Variants in KCNJ6 observed in about 807,000 individuals in gnomAD.
KCNJ6 encodes G protein-activated inward rectifier potassium channel 2.
Under a neutral mutation model 34.2 loss-of-function variants are expected in KCNJ6, and 9 were observed. The observed-to-expected ratio is 0.26, with a 90% CI of 0.16 to 0.46. The LOEUF is 0.46. Among genes scored for constraint, KCNJ6 ranks in the 20% least tolerant of loss-of-function variants. The pLI is 1.00. For missense variants in KCNJ6, 236 were observed against 531.3 expected, an observed-to-expected ratio of 0.44 and a Z score of 5.46; for synonymous variants, 196 against 207.1, an observed-to-expected ratio of 0.95 and a Z score of 0.46.
intron 3 of KCNJ6, among the ~76,000 whole-genome samples, chr21:37,652,979 A>G (rs768821529): frequency 1.1e-4 from 17 of 152,214 alleles, no homozygotes; most frequent in Non-Finnish European, 2.9e-5. Flanking sequence ...CACATTGAAC[A>G]GAAAAATTAC....
At chr21:37,674,007 T>C (rs1032474495) in intron 3 of KCNJ6, among the ~76,000 whole-genome samples, 18 of 152,204 alleles carry the variant, frequency 1.2e-4, no homozygotes, top group African/African-American at 4.3e-4. Flanking sequence ...GATGACAGCA[T>C]ATCCCAACCA....
Position 37,686,758 on chromosome 21 carries a change from C to T in KCNJ6, c.946+27453G>A, listed in dbSNP as rs190298889. On this transcript the variant is annotated intron_variant, in intron 3 of 3. Transcript: ENST00000609713. ...CTGGGATTACAGGCGTGAGCCACCG[C>T]GCCCAGCCTCTGTGTGAAGTCTTAA... Among the ~76,000 whole-genome samples the T allele has an allele frequency of 4.4e-3, 671 of 152,188 alleles. 3 individuals are homozygous for T. Among genetic ancestry groups the T allele is most frequent in the Non-Finnish European group, 7.4e-3 (505 of 68,012 alleles).
chr21:37,840,816 G>T lies in KCNJ6; in HGVS notation c.-27-107C>A, dbSNP rs1327691386. 1.3e-5 allele frequency: 8 copies of T among 619,930 alleles called. No individual in the cohort carries two copies. The African/African-American group carries it at 1.3e-4, about 10-fold the overall frequency. The allele number at this position is 619,930 out of a possible 1,614,324, so 38.4% of individuals were successfully genotyped here. A position where few individuals can be genotyped will look rare whatever the true frequency, so the allele number is the denominator to read the frequency against. ...TCTCTTCCTTCTTTTTCCTAGGTCA[G>T]AATTTGGTTTCCAATAATTAAATGA... On this transcript the variant is annotated intron_variant, in intron 1 of 3. Coordinates refer to ENST00000609713, the MANE Select transcript of KCNJ6 (RefSeq NM_002240.5).
At chr21:37,672,418 T>C (rs1208368282) in intron 3 of KCNJ6, among the ~76,000 whole-genome samples, 1 of 151,900 alleles carries the variant, frequency 6.6e-6, no homozygotes, top group Non-Finnish European at 1.5e-5. Context: ...GCAGGAGACC[T>C]GGAGAAAAGG....
intron 3 of KCNJ6, among the ~76,000 whole-genome samples, chr21:37,653,132 G>A (rs1444935631): frequency 1.3e-5 from 2 of 152,064 alleles, no homozygotes; most frequent in African/African-American, 4.8e-5. Context: ...CTACTTCTAG[G>A]GCTGACATTT....
intron 1 of KCNJ6, among the ~76,000 whole-genome samples, chr21:37,854,237 G>C (rs2055553217): frequency 6.6e-6 from 1 of 151,118 alleles, no homozygotes; most frequent in South Asian, 2.1e-4. Flanking sequence ...TAAAAAGATG[G>C]AAAAAGATGT....
intron 2 of KCNJ6, among the ~76,000 whole-genome samples, chr21:37,743,393 T>G (rs941756209): frequency 1.3e-5 from 2 of 152,178 alleles, no homozygotes; most frequent in Non-Finnish European, 2.9e-5. Context: ...AGCTTGCTGT[T>G]TGGGTACCTG....
At chr21:37,913,902 C>G (rs973320170) in intron 1 of KCNJ6, among the ~76,000 whole-genome samples, 1 of 152,002 alleles carries the variant, frequency 6.6e-6, no homozygotes, top group Non-Finnish European at 1.5e-5. Flanking sequence ...GCCATCTATG[C>G]CCAACAAAAA....
chr21:37,634,535 G>A (rs1287416545), intron 3 of KCNJ6, among the ~76,000 whole-genome samples: 1 of 151,984 alleles, frequency 6.6e-6, no homozygotes, highest in East Asian at 1.9e-4. Flanking sequence ...TTAACAAATT[G>A]GAAACAACCC....
intron 3 of KCNJ6, among the ~76,000 whole-genome samples, chr21:37,665,610 A>G (rs142233862): frequency 1.4e-4 from 22 of 152,206 alleles, no homozygotes; most frequent in Admixed American, 2.6e-4. Flanking sequence ...GGACAGCTCA[A>G]TGCAGGTGTG....
At chr21:37,719,009 C>T (rs922755530) in intron 2 of KCNJ6, among the ~76,000 whole-genome samples, 1 of 152,026 alleles carries the variant, frequency 6.6e-6, no homozygotes, top group African/African-American at 2.4e-5. Context: ...TGCATCATGG[C>T]AGCTGGTGGG....
intron 2 of KCNJ6, among the ~76,000 whole-genome samples, chr21:37,799,341 C>T (rs1330044464): frequency 6.6e-6 from 1 of 152,168 alleles, no homozygotes; most frequent in Non-Finnish European, 1.5e-5. Context: ...GTAGGCTCAG[C>T]CTCCAGCAGC....
chr21:37,866,091 T>C (rs781114137), intron 1 of KCNJ6, among the ~76,000 whole-genome samples: 16 of 152,214 alleles, frequency 1.1e-4, no homozygotes, highest in Non-Finnish European at 2.2e-4. Context: ...TCGCAGATAA[T>C]CTGAGTGGGC....
chr21:37,646,553 T>C (rs1004911466), intron 3 of KCNJ6, among the ~76,000 whole-genome samples: 5 of 152,154 alleles, frequency 3.3e-5, no homozygotes, highest in Non-Finnish European at 7.4e-5. Flanking sequence ...CTAGGGAGGG[T>C]TGGCATGTTC....
intron 1 of KCNJ6, among the ~76,000 whole-genome samples, chr21:37,909,000 A>G (rs2055854888): frequency 6.6e-6 from 1 of 152,226 alleles, no homozygotes; most frequent in African/African-American, 2.4e-5. Flanking sequence ...GAATATGAAT[A>G]GGAGTGATAT....
chr21:37,829,089 A>G (rs1335208523), intron 2 of KCNJ6, among the ~76,000 whole-genome samples: 3 of 152,084 alleles, frequency 2.0e-5, no homozygotes, highest in African/African-American at 4.8e-5. Flanking sequence ...GCCTGGGTAG[A>G]ACCTGCTGTT....
intron 2 of KCNJ6, among the ~76,000 whole-genome samples, chr21:37,817,115 A>G (rs1202793759): frequency 6.6e-6 from 1 of 152,206 alleles, no homozygotes; most frequent in Admixed American, 6.5e-5. Flanking sequence ...ATTAGCACCA[A>G]CCTCACGGAA....
chr21:37,902,673 A>C (rs1171833122), intron 1 of KCNJ6, among the ~76,000 whole-genome samples: 1 of 152,206 alleles, frequency 6.6e-6, no homozygotes, highest in Non-Finnish European at 1.5e-5. Context: ...TGCATCTGGC[A>C]GAGAGAAGAA....
At chr21:37,827,322 T>TA (rs1307148816) in intron 2 of KCNJ6, among the ~76,000 whole-genome samples, 1 of 152,190 alleles carries the variant, frequency 6.6e-6, no homozygotes, top group African/African-American at 2.4e-5. Context: ...AGATCACTAG[T>TA]ATTTAGCAAT....
Sources: allele counts gnomAD v4.1 joint callset (sites outside exome capture counted in the v4.1 genomes callset), GRCh38; gene constraint gnomAD v4.1.1; transcripts MANE v1.5; gene names NCBI Gene and HGNC (gene_info 2026-07-23, HGNC 2026-07-21).